ALKBH8: variants seen among roughly 807,000 people sequenced by gnomAD.
ALKBH8 encodes alkB homolog 8, tRNA methyltransferase, also known as tRNA (carboxymethyluridine(34)-5-O)-methyltransferase ALKBH8.
In ALKBH8, 36 loss-of-function variants were observed where a neutral mutation model predicts 59.8. The ratio of observed to expected loss-of-function variants is 0.60; its 90% CI spans 0.46 to 0.79. ALKBH8 has a LOEUF of 0.79. Among genes scored for constraint, ALKBH8 ranks in the 30% least tolerant of loss-of-function variants. The probability of loss-of-function intolerance (pLI) is 0.00; values close to 1 mark genes in which losing one functional copy is unlikely to be tolerated. For synonymous variants in ALKBH8, 276 were observed against 273.6 expected, an observed-to-expected ratio of 1.01 and a Z score of -0.09; for missense variants, 768 against 801.0, an observed-to-expected ratio of 0.96 and a Z score of 0.50.
At chr11:107,543,625 A>C (rs1864134448) in intron 7 of ALKBH8, among the ~76,000 whole-genome samples, 1 of 152,180 alleles carries the variant, frequency 6.6e-6, no homozygotes, top group Non-Finnish European at 1.5e-5. Context: ...ATGTTCCCAA[A>C]TCACTGTGCC....
intron 10 of ALKBH8, among the ~76,000 whole-genome samples, chr11:107,512,950 G>A (rs1862701221): frequency 6.6e-6 from 1 of 152,034 alleles, no homozygotes; most frequent in African/African-American, 2.4e-5. Context: ...AAAAACTCTG[G>A]AAGATAACCT....
At chr11:107,537,570 G>A (rs664897) in intron 7 of ALKBH8, among the ~76,000 whole-genome samples, 116,895 of 151,908 alleles carry the variant, frequency 0.77, 45,794 homozygotes, top group South Asian at 0.85. Context: ...GGTGGTGGGG[G>A]AAGGGAGAGC....
intron 10 of ALKBH8, among the ~76,000 whole-genome samples, chr11:107,514,573 C>T (rs1862779157): frequency 6.6e-6 from 1 of 152,152 alleles, no homozygotes; most frequent in South Asian, 2.1e-4. Context: ...GCTCCCTTTA[C>T]CTGTGTAAGA....
At chr11:107,537,852 C>T (rs945758683) in intron 7 of ALKBH8, among the ~76,000 whole-genome samples, 5 of 152,092 alleles carry the variant, frequency 3.3e-5, no homozygotes, top group Non-Finnish European at 7.3e-5. Flanking sequence ...TTTCTTTACA[C>T]TGATGGCACT....
rs375256204 is a variant in ALKBH8, at chr11:107,518,572, G to A, written c.1287+3727C>T. 9.9e-5 allele frequency among the ~76,000 whole-genome samples: 15 copies of A among 152,248 alleles called. 1 individual carries two copies. Among genetic ancestry groups the A allele is most frequent in the South Asian group, 4.1e-4 (2 of 4,834 alleles). On this transcript the variant is annotated intron_variant, in intron 10 of 11. Transcript: ENST00000428149. ...AACAAACACCTGGCCCGCCCAGGGC[G>A]GAAAACTGCTTAAAGGCGTTCTTAA...
At chr11:107,518,567 A>G (rs1281261429) in intron 10 of ALKBH8, among the ~76,000 whole-genome samples, 1 of 152,272 alleles carries the variant, frequency 6.6e-6, no homozygotes, top group Non-Finnish European at 1.5e-5. Context: ...TGGCCCGCCC[A>G]GGGCGGAAAA....
chr11:107,535,566 T>A (rs1367274181), intron 7 of ALKBH8, among the ~76,000 whole-genome samples: 1 of 152,220 alleles, frequency 6.6e-6, no homozygotes. Flanking sequence ...TTTTAAGAAT[T>A]GTCTATTCAT....
intron 11 of ALKBH8, among the ~76,000 whole-genome samples, chr11:107,507,848 G>A (rs1473022247): frequency 6.6e-6 from 1 of 152,094 alleles, no homozygotes; most frequent in African/African-American, 2.4e-5. Flanking sequence ...CCCTTACCTA[G>A]TTGTGTCCAT....
intron 7 of ALKBH8, among the ~76,000 whole-genome samples, chr11:107,541,426 AT>A (rs1284621553): frequency 1.3e-5 from 2 of 152,206 alleles, no homozygotes; most frequent in African/African-American, 4.8e-5. Flanking sequence ...TGGTACAAAC[AT>A]CCCAGGATCT....
intron 7 of ALKBH8, among the ~76,000 whole-genome samples, chr11:107,533,591 T>C (rs1863685507): frequency 1.3e-5 from 2 of 152,200 alleles, no homozygotes. Context: ...TAATTTCATA[T>C]AGTCATACCC....
At chr11:107,529,827 C>T (rs185012773) in intron 8 of ALKBH8, among the ~76,000 whole-genome samples, 1 of 152,118 alleles carries the variant, frequency 6.6e-6, no homozygotes, top group East Asian at 1.9e-4. Flanking sequence ...AATACAGACA[C>T]GAGTTCAAGA....
chr11:107,523,599 AT>A (rs1287444599), intron 9 of ALKBH8, among the ~76,000 whole-genome samples: 1 of 121,190 alleles, frequency 8.3e-6, no homozygotes, highest in Non-Finnish European at 1.6e-5. Flanking sequence ...ATGAGAATAA[AT>A]TCTTTTTTTT....
chr11:107,550,537 C>G (rs935033362), intron 6 of ALKBH8, among the ~76,000 whole-genome samples: 2 of 152,160 alleles, frequency 1.3e-5, no homozygotes, highest in African/African-American at 4.8e-5. Flanking sequence ...AGAGTGGCCC[C>G]GGCCTCTGTG....
intron 10 of ALKBH8, among the ~76,000 whole-genome samples, chr11:107,514,335 T>G (rs1275658721): frequency 6.6e-6 from 1 of 152,208 alleles, no homozygotes; most frequent in African/African-American, 2.4e-5. Flanking sequence ...AAAAAAATTC[T>G]TACTGAGTTA....
In ALKBH8 at chr11:107,522,547, A is replaced by G; in HGVS notation, c.1039T>C (p.Leu347=). 1.3e-6 allele frequency: 2 copies of G among 1,551,160 alleles called. No homozygotes were observed. The highest frequency in any genetic ancestry group is 8.7e-7 in the Non-Finnish European group (1 of 1,146,806). ...TCTTTCCTCTGGCTATCACAGACCAACGGGTAACCTTAATGAAAAAGCAAT... is the reference window on the plus strand; with the variant it reads ...TCTTTCCTCTGGCTATCACAGACCAGCGGGTAACCTTAATGAAAAAGCAAT... ...RQTPCNCSYP[L]VCDSQRKETP... is the part of the protein sequence containing the mutation. Residue 347 remains leucine, a synonymous_variant, in exon 10 of 12, where the codon TTG becomes CTG. Transcript: ENST00000428149.
intron 11 of ALKBH8, among the ~76,000 whole-genome samples, chr11:107,508,784 C>T (rs970958065): frequency 6.6e-6 from 1 of 152,156 alleles, no homozygotes; most frequent in Non-Finnish European, 1.5e-5. Flanking sequence ...TTGCATCTGG[C>T]TTATTTCACT....
rs543319316 is a variant in ALKBH8, at chr11:107,550,953, GT to G, written c.700+854del. 2.0e-5 allele frequency among the ~76,000 whole-genome samples: 3 copies of G among 152,210 alleles called. No individual in the cohort carries two copies. The South Asian group carries it at 6.2e-4, about 32-fold the overall frequency. ...CTACACTGTGAAAAAATACATTTCT[GT>G]TGTTTAAGCCAAAAAAAGTAAAAAA... On this transcript the variant is annotated intron_variant, in intron 6 of 11. Transcript: ENST00000428149.
intron 7 of ALKBH8, among the ~76,000 whole-genome samples, chr11:107,537,659 A>G (rs1019279792): frequency 8.6e-5 from 13 of 151,942 alleles, no homozygotes; most frequent in South Asian, 8.3e-4. Context: ...ACCATGGAAC[A>G]TGTTTATCTA....
chr11:107,550,093 T>C (rs931016114), intron 6 of ALKBH8, among the ~76,000 whole-genome samples: 1 of 152,198 alleles, frequency 6.6e-6, no homozygotes, highest in East Asian at 1.9e-4. Flanking sequence ...GACACTTAAC[T>C]CAATTCCAGC....
Sources: allele counts gnomAD v4.1 joint callset (sites outside exome capture counted in the v4.1 genomes callset), GRCh38; gene constraint gnomAD v4.1.1; transcripts MANE v1.5; gene names NCBI Gene and HGNC (gene_info 2026-07-23, HGNC 2026-07-21).